NELL1: variants seen among roughly 807,000 people sequenced by gnomAD.
The protein encoded by NELL1 is neural EGFL like 1, also known as protein kinase C-binding protein NELL1.
In NELL1, 76 loss-of-function variants were observed where a neutral mutation model predicts 107.4. The ratio of observed to expected loss-of-function variants is 0.71; its 90% confidence interval spans 0.59 to 0.86. NELL1 has a LOEUF of 0.86. Ranked by LOEUF, NELL1 falls within the 40% of genes least tolerant of loss-of-function variation. The pLI is 0.00. For missense variants in NELL1, 1,024 were observed against 1,005.5 expected, an observed-to-expected ratio of 1.02 and a Z score of -0.25; for synonymous variants, 353 against 341.2, an observed-to-expected ratio of 1.03 and a Z score of -0.38.
At chr11:20,685,004 C>T (rs549597783) in intron 2 of NELL1, among the ~76,000 whole-genome samples, 3 of 152,114 alleles carry the variant, frequency 2.0e-5, no homozygotes, top group South Asian at 2.1e-4. Context: ...GGTCAGTACT[C>T]AGCTGAATAC....
intron 13 of NELL1, among the ~76,000 whole-genome samples, chr11:21,214,628 G>A (rs1170531935): frequency 1.3e-5 from 2 of 152,122 alleles, no homozygotes; most frequent in Admixed American, 1.3e-4. Flanking sequence ...AAATCATTTG[G>A]TAGTTTTCTT....
intron 15 of NELL1, among the ~76,000 whole-genome samples, chr11:21,447,829 T>C (rs759750055): frequency 4.6e-5 from 7 of 152,144 alleles, no homozygotes; most frequent in Non-Finnish European, 8.8e-5. Flanking sequence ...TCAGTCCTTG[T>C]GGCCTAGACA....
At chr11:21,091,077 T>C (rs1356409256) in intron 12 of NELL1, among the ~76,000 whole-genome samples, 1 of 152,194 alleles carries the variant, frequency 6.6e-6, no homozygotes, top group East Asian at 1.9e-4. Flanking sequence ...TTTAATAAAC[T>C]GTAGCTATTT....
chr11:21,005,120 C>T (rs1852302030), intron 12 of NELL1, among the ~76,000 whole-genome samples: 1 of 152,148 alleles, frequency 6.6e-6, no homozygotes, highest in African/African-American at 2.4e-5. Flanking sequence ...ACTCTGTAGG[C>T]ATGTCATTCT....
chr11:20,993,967 A>G (rs1174008527), intron 12 of NELL1, among the ~76,000 whole-genome samples: 4 of 152,174 alleles, frequency 2.6e-5, no homozygotes, highest in Non-Finnish European at 5.9e-5. Flanking sequence ...TTGATGACAA[A>G]TATGATTCTA....
intron 2 of NELL1, among the ~76,000 whole-genome samples, chr11:20,732,126 G>A (rs760935271): frequency 1.3e-5 from 2 of 151,680 alleles, no homozygotes; most frequent in African/African-American, 2.4e-5. Context: ...ATCATTTTCC[G>A]AGTCCTTTCC....
chr11:21,226,045 C>T (rs10833478), intron 13 of NELL1, among the ~76,000 whole-genome samples: 6,229 of 152,212 alleles, frequency 0.041, 389 homozygotes, highest in East Asian at 0.33. Flanking sequence ...GTCCGTCTTT[C>T]GCAATCACTT....
intron 13 of NELL1, among the ~76,000 whole-genome samples, chr11:21,162,549 T>C (rs1298632834): frequency 2.0e-5 from 3 of 152,184 alleles, no homozygotes; most frequent in African/African-American, 7.2e-5. Flanking sequence ...TATGACCAGG[T>C]TTTAAGATTC....
intron 3 of NELL1, among the ~76,000 whole-genome samples, chr11:20,814,026 T>C (rs924062400): frequency 2.6e-5 from 4 of 151,910 alleles, no homozygotes; most frequent in Non-Finnish European, 5.9e-5. Context: ...GATGGAGTCT[T>C]GCTCTGCCAC....
intron 2 of NELL1, among the ~76,000 whole-genome samples, chr11:20,727,836 C>A (rs966723747): frequency 1.3e-5 from 2 of 152,106 alleles, no homozygotes; most frequent in African/African-American, 2.4e-5. Context: ...TTTCCCGGAA[C>A]CTCAAATGGT....
At chr11:21,194,914 C>A (rs183437125) in intron 13 of NELL1, among the ~76,000 whole-genome samples, 1 of 152,246 alleles carries the variant, frequency 6.6e-6, no homozygotes, top group Admixed American at 6.5e-5. Context: ...GGGGTCCATG[C>A]TAGCAATGAG....
At chr11:21,204,304 G>T (rs953464577) in intron 13 of NELL1, among the ~76,000 whole-genome samples, 2 of 151,704 alleles carry the variant, frequency 1.3e-5, no homozygotes, top group African/African-American at 2.4e-5. Context: ...GGCTTTATTC[G>T]TTCCTTTTCA....
chr11:21,158,906 TAGG>T (rs1426934677), intron 13 of NELL1, among the ~76,000 whole-genome samples: 1 of 152,120 alleles, frequency 6.6e-6, no homozygotes, highest in East Asian at 1.9e-4. Context: ...AGACATATTG[TAGG>T]AGTATTTTTG....
intron 2 of NELL1, among the ~76,000 whole-genome samples, chr11:20,771,727 G>A (rs1856644969): frequency 6.6e-6 from 1 of 152,144 alleles, no homozygotes; most frequent in African/African-American, 2.4e-5. Flanking sequence ...CTTAATACAA[G>A]CTTATTCAGA....
intron 14 of NELL1, among the ~76,000 whole-genome samples, chr11:21,241,759 G>GT (rs1007187877): frequency 2.6e-5 from 4 of 151,642 alleles, no homozygotes; most frequent in African/African-American, 9.7e-5. Flanking sequence ...TTATGTGTTT[G>GT]TTTTTTTCAT....
intron 14 of NELL1, among the ~76,000 whole-genome samples, chr11:21,328,094 C>A (rs550141225): frequency 2.0e-5 from 3 of 152,250 alleles, no homozygotes; most frequent in African/African-American, 4.8e-5. Context: ...TGTTAATTAG[C>A]AAGACAATGG....
chr11:20,702,206 C>T (rs1854810820), intron 2 of NELL1, among the ~76,000 whole-genome samples: 1 of 152,086 alleles, frequency 6.6e-6, no homozygotes, highest in African/African-American at 2.4e-5. Flanking sequence ...TTGTAGTCCT[C>T]CTTGAAGAGG....
At chr11:21,100,099 C>T (rs1305742696) in intron 12 of NELL1, among the ~76,000 whole-genome samples, 1 of 152,018 alleles carries the variant, frequency 6.6e-6, no homozygotes, top group Non-Finnish European at 1.5e-5. Flanking sequence ...TCACTGCAAC[C>T]TCCACTTCCC....
rs80060464 is a variant in NELL1, at chr11:21,225,998, G to A, written c.1427-3334G>A. On this transcript the variant is annotated intron_variant, in intron 13 of 19. Coordinates refer to ENST00000357134, the MANE Select transcript of NELL1 (RefSeq NM_006157.5). ...AAACCAGGATCTTCTAAACTAGGCC[G>A]GTGACTTTGGAGTTCATACTCTTAA... 3.4e-3 allele frequency among the ~76,000 whole-genome samples: 524 copies of A among 152,172 alleles called. 3 individuals are homozygous for A. Among genetic ancestry groups the A allele is most frequent in the African/African-American group, 0.012 (495 of 41,516 alleles).
Sources: allele counts gnomAD v4.1 joint callset (sites outside exome capture counted in the v4.1 genomes callset), GRCh38; gene constraint gnomAD v4.1.1; transcripts MANE v1.5; gene names NCBI Gene and HGNC (gene_info 2026-07-23, HGNC 2026-07-21).